Variants in GRIN2A observed in about 807,000 individuals in gnomAD.
The protein encoded by GRIN2A is glutamate ionotropic receptor NMDA type subunit 2A.
Under a neutral mutation model 113.4 loss-of-function variants are expected in GRIN2A, and 22 were observed. The ratio of observed to expected loss-of-function variants is 0.19; its 90% CI spans 0.14 to 0.28. The LOEUF (loss-of-function observed/expected upper bound fraction) is 0.28. GRIN2A is among the 10% of genes least tolerant of loss of function. The pLI, the probability that GRIN2A is intolerant of heterozygous loss-of-function variation, is 1.00. For synonymous variants in GRIN2A, 827 were observed against 738.4 expected (o/e 1.12, Z -1.94); for missense variants, 1,502 against 1,887.0 (o/e 0.80, Z 3.78).
intron 2 of GRIN2A, among the ~76,000 whole-genome samples, chr16:10,046,948 C>G (rs780830327): frequency 3.3e-5 from 5 of 152,110 alleles, no homozygotes; most frequent in Admixed American, 6.6e-5. Flanking sequence ...ACAGTTGGAG[C>G]TGGTTAATTC....
intron 4 of GRIN2A, among the ~76,000 whole-genome samples, chr16:9,885,192 A>T (rs1446092229): frequency 1.3e-5 from 2 of 152,136 alleles, no homozygotes; most frequent in Non-Finnish European, 2.9e-5. Flanking sequence ...TACCTAATGA[A>T]CTGCTGGCCA....
chr16:10,157,570 G>A (rs1097786), intron 2 of GRIN2A, among the ~76,000 whole-genome samples: 4,112 of 152,262 alleles, frequency 0.027, 74 homozygotes, highest in Middle Eastern at 0.054. Flanking sequence ...GAAGATGAAG[G>A]GGAAGCAAAT....
intron 2 of GRIN2A, among the ~76,000 whole-genome samples, chr16:10,013,818 T>C (rs1393013883): frequency 1.3e-5 from 2 of 152,218 alleles, no homozygotes; most frequent in African/African-American, 4.8e-5. Flanking sequence ...TTGCTTAAAG[T>C]GGTTTGACCC....
At chr16:10,126,101 A>G (rs749505711) in intron 2 of GRIN2A, among the ~76,000 whole-genome samples, 2 of 152,126 alleles carry the variant, frequency 1.3e-5, no homozygotes, top group Non-Finnish European at 2.9e-5. Flanking sequence ...TTTCTTAATT[A>G]TAAGAATAAT....
intron 2 of GRIN2A, among the ~76,000 whole-genome samples, chr16:10,097,823 C>T (rs1001663695): frequency 3.3e-5 from 5 of 152,128 alleles, no homozygotes; most frequent in African/African-American, 1.2e-4. Flanking sequence ...AATCTAAGAC[C>T]TAAAACCATA....
intron 2 of GRIN2A, among the ~76,000 whole-genome samples, chr16:10,083,431 T>A (rs868484109): frequency 4.6e-5 from 7 of 152,216 alleles, no homozygotes; most frequent in African/African-American, 1.7e-4. Flanking sequence ...CAGTTTGATC[T>A]CAGGACATTT....
intron 3 of GRIN2A, among the ~76,000 whole-genome samples, chr16:9,919,428 C>T (rs1452566672): frequency 1.3e-5 from 2 of 152,048 alleles, no homozygotes; most frequent in Admixed American, 1.3e-4. Flanking sequence ...AGATAGTGTG[C>T]CCATTCCTGA....
intron 4 of GRIN2A, among the ~76,000 whole-genome samples, chr16:9,868,847 T>C (rs906392743): frequency 1.3e-5 from 2 of 152,188 alleles, no homozygotes; most frequent in African/African-American, 4.8e-5. Flanking sequence ...GTGCCAGGTT[T>C]CAACACGCTA....
At chr16:10,137,234 T>C (rs138747090) in intron 2 of GRIN2A, among the ~76,000 whole-genome samples, 47 of 152,318 alleles carry the variant, frequency 3.1e-4, no homozygotes, top group African/African-American at 1.0e-3. Context: ...CAACAGCACA[T>C]GCTACATAAC....
At position 10,078,743 on chromosome 16, in the gene GRIN2A, C is replaced by T. The variant is rs2047924426; in HGVS notation, c.414+101255G>A. ...ACAAAGGGCACAGCCCCCTTCAGGCCAAGAGAGGTGAGAAGCTGCTGGGGA... is the reference window on the plus strand; with the variant it reads ...ACAAAGGGCACAGCCCCCTTCAGGCTAAGAGAGGTGAGAAGCTGCTGGGGA... On this transcript the variant is annotated intron_variant, in intron 2 of 12. Coordinates refer to ENST00000330684, the MANE Select transcript of GRIN2A (RefSeq NM_001134407.3). 2.6e-5 allele frequency among the ~76,000 whole-genome samples: 4 copies of T among 152,168 alleles called. No individual in the cohort carries two copies. In the South Asian group the frequency reaches 8.3e-4, roughly 32 times the overall value.
intron 10 of GRIN2A, among the ~76,000 whole-genome samples, chr16:9,800,363 A>T (rs1214086129): frequency 1.3e-5 from 2 of 152,184 alleles, no homozygotes; most frequent in Non-Finnish European, 2.9e-5. Flanking sequence ...TGAATGTCTC[A>T]ACTCTAAAAT....
intron 2 of GRIN2A, among the ~76,000 whole-genome samples, chr16:9,984,079 A>G (rs962203974): frequency 6.6e-5 from 10 of 152,128 alleles, no homozygotes; most frequent in Admixed American, 1.3e-4. Context: ...ATTTTTGATA[A>G]TATCTTTTCT....
At chr16:9,989,009 C>A (rs2650434) in intron 2 of GRIN2A, among the ~76,000 whole-genome samples, 2 of 152,082 alleles carry the variant, frequency 1.3e-5, no homozygotes, top group Admixed American at 1.3e-4. Context: ...GATACGTGAC[C>A]TGATAAGACT....
chr16:9,817,591 A>G (rs1196377837), intron 10 of GRIN2A, among the ~76,000 whole-genome samples: 1 of 152,222 alleles, frequency 6.6e-6, no homozygotes, highest in Non-Finnish European at 1.5e-5. Context: ...GAATTCAACC[A>G]TTTCACTTCT....
chr16:10,048,278 A>C (rs73506701), intron 2 of GRIN2A, among the ~76,000 whole-genome samples: 3,617 of 152,302 alleles, frequency 0.024, 159 homozygotes, highest in African/African-American at 0.083. Context: ...ATTGGCACTT[A>C]GTAAGCCCTA....
At chr16:9,863,764 T>A (rs747947097) in intron 4 of GRIN2A, among the ~76,000 whole-genome samples, 16 of 152,222 alleles carry the variant, frequency 1.1e-4, no homozygotes, top group Non-Finnish European at 1.9e-4. Flanking sequence ...CTTCATTCTG[T>A]ATCATGTTAT....
intron 2 of GRIN2A, among the ~76,000 whole-genome samples, chr16:9,957,217 G>A (rs2141690800): frequency 6.6e-6 from 1 of 152,284 alleles, no homozygotes; most frequent in Non-Finnish European, 1.5e-5. Flanking sequence ...TTCTCAGCCA[G>A]GGGGACCAGC....
At chr16:10,009,847 C>T (rs1034771335) in intron 2 of GRIN2A, among the ~76,000 whole-genome samples, 1 of 152,196 alleles carries the variant, frequency 6.6e-6, no homozygotes, top group East Asian at 1.9e-4. Context: ...AGCTAAGTCA[C>T]ATGACCGGAG....
At chr16:9,996,727 A>G (rs962762154) in intron 2 of GRIN2A, among the ~76,000 whole-genome samples, 2 of 152,148 alleles carry the variant, frequency 1.3e-5, no homozygotes, top group Non-Finnish European at 2.9e-5. Flanking sequence ...GGCTATACCT[A>G]TTTTTTAACA....
Sources: allele counts gnomAD v4.1 joint callset (sites outside exome capture counted in the v4.1 genomes callset), GRCh38; gene constraint gnomAD v4.1.1; transcripts MANE v1.5; gene names NCBI Gene and HGNC (gene_info 2026-07-23, HGNC 2026-07-21).